Variants in KCND2 observed in about 807,000 individuals in gnomAD.
The protein encoded by KCND2 is A-type voltage-gated potassium channel KCND2.
KCND2 carries 16 observed loss-of-function variants against 54.4 expected under a neutral mutation model. That is an observed-to-expected ratio of 0.29 (90% CI 0.20 to 0.45). KCND2 has a LOEUF of 0.45. Ranked by LOEUF, KCND2 falls within the 20% of genes least tolerant of loss-of-function variation. The pLI is 1.00. For missense variants in KCND2, 486 were observed against 824.2 expected (o/e 0.59, Z 5.02); for synonymous variants, 317 against 310.7 (o/e 1.02, Z -0.21).
At chr7:120,445,679 A>G (rs1467622282) in intron 1 of KCND2, among the ~76,000 whole-genome samples, 1 of 152,160 alleles carries the variant, frequency 6.6e-6, no homozygotes, top group Non-Finnish European at 1.5e-5. Context: ...TTTTATTGGA[A>G]GAAACTAAAG....
chr7:120,382,233 C>G (rs545136086), intron 1 of KCND2, among the ~76,000 whole-genome samples: 7 of 151,694 alleles, frequency 4.6e-5, no homozygotes, highest in African/African-American at 1.7e-4. Context: ...TTCTCATTGT[C>G]TAAAGTTTGA....
At chr7:120,446,001 G>A (rs898047232) in intron 1 of KCND2, among the ~76,000 whole-genome samples, 2 of 152,086 alleles carry the variant, frequency 1.3e-5, no homozygotes, top group Admixed American at 1.3e-4. Context: ...CTTGGCACTA[G>A]TAGGCACTCA....
intron 1 of KCND2, among the ~76,000 whole-genome samples, chr7:120,543,361 G>A (rs978373311): frequency 4.6e-5 from 7 of 151,434 alleles, no homozygotes; most frequent in Non-Finnish European, 1.0e-4. Flanking sequence ...ACTGCGTGTC[G>A]ATTTTCCAAT....
At chr7:120,390,082 GA>G (rs1801050690) in intron 1 of KCND2, among the ~76,000 whole-genome samples, 1 of 151,732 alleles carries the variant, frequency 6.6e-6, no homozygotes. Flanking sequence ...GTAATTCCTT[GA>G]ATTAAATACT....
intron 1 of KCND2, among the ~76,000 whole-genome samples, chr7:120,373,931 A>G (rs1389682634): frequency 6.6e-6 from 1 of 151,802 alleles, no homozygotes; most frequent in Non-Finnish European, 1.5e-5. Context: ...TTAAATATAG[A>G]TAGTAATTAT....
chr7:120,633,075 G>C (rs546428482), intron 1 of KCND2, among the ~76,000 whole-genome samples: 18 of 152,282 alleles, frequency 1.2e-4, no homozygotes, highest in East Asian at 9.6e-4. Flanking sequence ...GTAAAGCCCT[G>C]AATTATCGCC....
chr7:120,377,583 G>C (rs138204548), intron 1 of KCND2, among the ~76,000 whole-genome samples: 1 of 151,440 alleles, frequency 6.6e-6, no homozygotes, highest in Non-Finnish European at 1.5e-5. Flanking sequence ...AGAGTATATA[G>C]TGTTAAGGTA....
intron 1 of KCND2, among the ~76,000 whole-genome samples, chr7:120,309,928 A>ACT (rs1799712938): frequency 6.6e-6 from 1 of 152,092 alleles, no homozygotes; most frequent in Non-Finnish European, 1.5e-5. Flanking sequence ...CTTTACACAC[A>ACT]CTGTTCCTTC....
intron 1 of KCND2, among the ~76,000 whole-genome samples, chr7:120,353,132 AC>A (rs376646371): frequency 0.02 from 1,489 of 74,982 alleles, 23 homozygotes; most frequent in African/African-American, 0.06. Flanking sequence ...AAATACTTTT[AC>A]TTTTTTTTTT....
chr7:120,407,120 TG>T (rs1476231621), intron 1 of KCND2, among the ~76,000 whole-genome samples: 1 of 151,922 alleles, frequency 6.6e-6, no homozygotes, highest in Admixed American at 6.6e-5. Context: ...ATGTGCATTG[TG>T]AAACTCCAAG....
intron 1 of KCND2, among the ~76,000 whole-genome samples, chr7:120,408,728 A>G (rs867524080): frequency 1.1e-4 from 17 of 151,712 alleles, no homozygotes; most frequent in Non-Finnish European, 2.2e-4. Context: ...CACAGAATCC[A>G]ATGTTCTTAC....
At chr7:120,725,002 A>T (rs1195388901) in intron 1 of KCND2, among the ~76,000 whole-genome samples, 1 of 152,190 alleles carries the variant, frequency 6.6e-6, no homozygotes, top group African/African-American at 2.4e-5. Flanking sequence ...GTTAGGTCAA[A>T]ATCATATGTT....
At chr7:120,355,817 C>G (rs141125179) in intron 1 of KCND2, among the ~76,000 whole-genome samples, 25 of 152,252 alleles carry the variant, frequency 1.6e-4, no homozygotes, top group African/African-American at 6.0e-4. Flanking sequence ...CAACAGAAAC[C>G]ATGTCGTCAT....
intron 1 of KCND2, among the ~76,000 whole-genome samples, chr7:120,316,526 T>A (rs1163425033): frequency 6.6e-6 from 1 of 152,238 alleles, no homozygotes. Flanking sequence ...AGTTACTGTT[T>A]CTATGTGTAA....
chr7:120,338,551 A>G (rs957411013), intron 1 of KCND2, among the ~76,000 whole-genome samples: 2 of 151,682 alleles, frequency 1.3e-5, no homozygotes, highest in African/African-American at 4.8e-5. Context: ...CTTTTTTATT[A>G]TTTTTTGTTT....
At chr7:120,598,571 AG>A (rs111707519) in intron 1 of KCND2, among the ~76,000 whole-genome samples, 2 of 4,070 alleles carry the variant, frequency 4.9e-4, no homozygotes, top group South Asian at 7.8e-3. Flanking sequence ...TTGGTGGGGC[AG>A]GGGGGGCGGG....
chr7:120,414,312 A>G (rs1801495598), intron 1 of KCND2, among the ~76,000 whole-genome samples: 2 of 152,156 alleles, frequency 1.3e-5, no homozygotes, highest in African/African-American at 2.4e-5. Context: ...ATCAAAAACC[A>G]TTTGAGATTG....
Position 120,654,378 on chromosome 7 carries a change from C to T in KCND2, c.1116-78525C>T, listed in dbSNP as rs935664078. On this transcript the variant is annotated intron_variant, in intron 1 of 5. Transcript: ENST00000331113. ...TAGATACTTGTATCTTGCTGGCTAG[C>T]ATGTTAATTGTTGCAATTTATATGG... Among the ~76,000 whole-genome samples the T allele has an allele frequency of 3.9e-5, 6 of 152,208 alleles. No individual in the cohort carries two copies. In the East Asian group the frequency reaches 9.6e-4, roughly 24 times the overall value.
chr7:120,276,806 TAATAA>T (rs1016140879), intron 1 of KCND2, among the ~76,000 whole-genome samples: 27 of 152,272 alleles, frequency 1.8e-4, no homozygotes, highest in South Asian at 8.3e-4. Flanking sequence ...TTAGAGAATC[TAATAA>T]AATAAAATGG....
Sources: gnomAD v4.1 joint callset for allele counts (sites outside exome capture counted in the v4.1 genomes callset) on GRCh38, gnomAD v4.1.1 for gene constraint, MANE v1.5 for transcripts, NCBI Gene and HGNC (gene_info 2026-07-23, HGNC 2026-07-21) for gene names.